PRKAG2: variants seen among roughly 807,000 people sequenced by gnomAD.
The protein encoded by PRKAG2 is 5'-AMP-activated protein kinase subunit gamma-2.
PRKAG2 carries 26 observed loss-of-function variants against 69.6 expected under a neutral mutation model. The ratio of observed to expected loss-of-function variants is 0.37; its 90% CI spans 0.27 to 0.52. The LOEUF (loss-of-function observed/expected upper bound fraction) is 0.52, where lower values mean the gene tolerates loss of function less well. Ranked by LOEUF, PRKAG2 falls within the 20% of genes least tolerant of loss-of-function variation. The pLI, the probability that PRKAG2 is intolerant of heterozygous loss-of-function variation, is 0.90. For missense variants in PRKAG2, 557 were observed against 740.0 expected (o/e 0.75, Z 2.87); for synonymous variants, 293 against 285.0 (o/e 1.03, Z -0.28).
At chr7:151,857,740 C>G (rs1321721312) in intron 1 of PRKAG2, among the ~76,000 whole-genome samples, 1 of 152,360 alleles carries the variant, frequency 6.6e-6, no homozygotes, top group East Asian at 1.9e-4. Flanking sequence ...CGCTCGCTCT[C>G]TTTGTGGTCA....
In PRKAG2 at chr7:151,842,665, AGGTAGTGATGAT is replaced by A. The variant is rs143665398; in HGVS notation, c.114+33830_114+33841del. 6.3e-3 allele frequency among the ~76,000 whole-genome samples: 865 copies of A among 136,842 alleles called. 8 individuals are homozygous for A. Among genetic ancestry groups the A allele is most frequent in the African/African-American group, 0.021 (735 of 35,460 alleles). The allele number at this position is 136,842 out of a possible 152,430, so 89.8% of individuals were successfully genotyped here. On this transcript the variant is annotated intron_variant, in intron 1 of 15. Coordinates refer to ENST00000287878, the MANE Select transcript of PRKAG2 (RefSeq NM_016203.4). The stretch of plus-strand genomic sequence containing the variant: ...GGATGGTAGTGATAGTAGTGAGGGT[AGGTAGTGATGAT>A]GGTAGTGATGGTAGGTAGGGATGAT...
At chr7:151,609,821 G>A (rs1289181856) in intron 5 of PRKAG2, among the ~76,000 whole-genome samples, 1 of 152,176 alleles carries the variant, frequency 6.6e-6, no homozygotes, top group Non-Finnish European at 1.5e-5. Context: ...AGCTTCTAAC[G>A]TGAGAAGAAA....
In PRKAG2 at chr7:151,777,364, C is replaced by CGCTCTCAGGTTG. The variant is rs1230886330; in HGVS notation, c.466+3776_466+3787dup. Among the ~76,000 whole-genome samples, 6 of 152,192 alleles carry CGCTCTCAGGTTG rather than the reference C, an allele frequency of 3.9e-5. No individual in the cohort carries two copies. Among genetic ancestry groups the CGCTCTCAGGTTG allele is most frequent in the Non-Finnish European group, 5.9e-5 (4 of 68,018 alleles). On this transcript the variant is annotated intron_variant, in intron 3 of 15. Transcript: ENST00000287878. The surrounding 1 kb of genome is among the most constrained non-coding windows in gnomAD (Gnocchi z 4.3). ...TGATAGAGGTTGAGTGTTTCTTCCC[C>CGCTCTCAGGTTG]GCTCTCAGGTTGAAATTGGATCCCC...
rs145261071 is a variant in PRKAG2, at chr7:151,575,875, G to A, written c.946+496C>T. Among the ~76,000 whole-genome samples, 12 of 142,172 alleles carry A rather than the reference G, an allele frequency of 8.4e-5. No individual in the cohort carries two copies. The East Asian group carries it at 8.5e-4, about 10-fold the overall frequency. 93.3% of individuals were successfully genotyped at this position (142,172 alleles called of 152,430 possible). A position where few individuals can be genotyped will look rare whatever the true frequency, so the allele number is the denominator to read the frequency against. ...AGCTCCATAAAAGTTACAACAGTGT[G>A]TAGAGTTCTCAATGAGGCGGCAAAA... On this transcript the variant is annotated intron_variant, in intron 7 of 15. Transcript: ENST00000287878.
Position 151,836,874 on chromosome 7 carries a change from C to T in PRKAG2, c.114+39633G>A, listed in dbSNP as rs988952790. Among the ~76,000 whole-genome samples the T allele has an allele frequency of 2.0e-5, 3 of 152,330 alleles. No individual in the cohort carries two copies. The highest frequency in any genetic ancestry group is 2.1e-4 in the South Asian group (1 of 4,820). ...TCAGTTCTTGGATCATCCACAACAG[C>T]GGAAGCAGAACAGAGTGAGCACTCC... is the stretch of plus-strand genomic sequence containing the variant. On this transcript the variant is annotated intron_variant, in intron 1 of 15. Coordinates refer to ENST00000287878, the MANE Select transcript of PRKAG2 (RefSeq NM_016203.4). The surrounding 1 kb of genome is among the most constrained non-coding windows in gnomAD (Gnocchi z 4.1).
At chr7:151,581,996 G>A (rs963797459) in intron 6 of PRKAG2, among the ~76,000 whole-genome samples, 4 of 152,184 alleles carry the variant, frequency 2.6e-5, no homozygotes, top group Admixed American at 6.5e-5. Context: ...GAAAGTATAC[G>A]GGGTAATAAT....
At chr7:151,637,826 G>C (rs1825991399) in intron 4 of PRKAG2, among the ~76,000 whole-genome samples, 1 of 151,850 alleles carries the variant, frequency 6.6e-6, no homozygotes. Context: ...TCAGCACACA[G>C]AACTTGAAGC....
rs1302605749 is a variant in PRKAG2 at position 151,854,990 on chromosome 7, ACACAC to A, written c.114+21512_114+21516del. Among the ~76,000 whole-genome samples, 105 of 23,604 alleles carry A rather than the reference ACACAC, an allele frequency of 4.4e-3. 4 individuals are homozygous for A. The highest frequency in any genetic ancestry group is 7.5e-3 in the Admixed American group (17 of 2,252). 15.5% of individuals were successfully genotyped at this position (23,604 alleles called of 152,430 possible). On this transcript the variant is annotated intron_variant, in intron 1 of 15. Coordinates refer to ENST00000287878, the MANE Select transcript of PRKAG2 (RefSeq NM_016203.4). Reference sequence around the variant, plus strand: ...ACCCTCCACACACACCATGCTCCACACACACCATGCTCCACACACACCACCCTCCA... The same window carrying A: ...ACCCTCCACACACACCATGCTCCACACATGCTCCACACACACCACCCTCCA...
At chr7:151,641,867 GA>G (rs755525113) in intron 4 of PRKAG2, among the ~76,000 whole-genome samples, 1 of 151,588 alleles carries the variant, frequency 6.6e-6, no homozygotes, top group South Asian at 2.1e-4. Flanking sequence ...GTAGAAATTT[GA>G]AAAAAATCTC....
At chr7:151,847,513 C>T (rs929658446) in intron 1 of PRKAG2, among the ~76,000 whole-genome samples, 1 of 152,212 alleles carries the variant, frequency 6.6e-6, no homozygotes. Context: ...AGGACATCGA[C>T]ACCTGAGACC....
chr7:151,802,949 G>GATATTATAT (rs1554605678), intron 1 of PRKAG2, among the ~76,000 whole-genome samples: 1 of 103,060 alleles, frequency 9.7e-6, no homozygotes, highest in Non-Finnish European at 1.9e-5. Context: ...TAAGCAATAT[G>GATATTATAT]ATATATATAT....
At chr7:151,855,205 A>G (rs879141670) in intron 1 of PRKAG2, among the ~76,000 whole-genome samples, 237 of 9,226 alleles carry the variant, frequency 0.026, 1 homozygote, top group Middle Eastern at 0.038. Context: ...CACACACACC[A>G]CCCTCCACAC....
chr7:151,701,799 C>A (rs146103357), intron 3 of PRKAG2, among the ~76,000 whole-genome samples: 208 of 149,910 alleles, frequency 1.4e-3, no homozygotes, highest in Non-Finnish European at 2.3e-3. Flanking sequence ...GCCGAGATTG[C>A]GCCACTGCAC....
chr7:151,624,475 A>G (rs1822370321), intron 5 of PRKAG2, among the ~76,000 whole-genome samples: 1 of 152,042 alleles, frequency 6.6e-6, no homozygotes, highest in Admixed American at 6.5e-5. Context: ...ACAGATTAAA[A>G]AGTGACTAAA....
Position 151,584,005 on chromosome 7 carries a change from C to T in PRKAG2, c.865-7553G>A, listed in dbSNP as rs576584600. On this transcript the variant is annotated intron_variant, in intron 6 of 15. Transcript: ENST00000287878. ...CTCTGATTTTCAGTAATTAAGTTGA[C>T]TGTGAAGCTTTTAAAATTAACGCTG... Among the ~76,000 whole-genome samples, 26 of 152,266 alleles carry T rather than the reference C, an allele frequency of 1.7e-4. No homozygotes were observed. The South Asian group carries it at 5.4e-3, about 32-fold the overall frequency.
chr7:151,559,775 G>A (rs561192842), intron 15 of PRKAG2: 3 of 985,320 alleles, frequency 3.0e-6, no homozygotes, highest in South Asian at 9.4e-5. Context: ...CTCCCACATC[G>A]GGTCCATGTG....
At chr7:151,875,491 G>A (rs746721523) in intron 1 of PRKAG2, among the ~76,000 whole-genome samples, 5 of 151,974 alleles carry the variant, frequency 3.3e-5, no homozygotes, top group Non-Finnish European at 7.4e-5. Flanking sequence ...TGAGGGGTCC[G>A]GACAGCCCAT....
chr7:151,606,451 G>A (rs1273965085), intron 5 of PRKAG2, among the ~76,000 whole-genome samples: 2 of 152,160 alleles, frequency 1.3e-5, no homozygotes, highest in Non-Finnish European at 2.9e-5. Flanking sequence ...GAAAATGAGT[G>A]TAATTTGGAG....
At position 151,632,359 on chromosome 7, in the gene PRKAG2, G is replaced by A. The variant is rs1585374330; in HGVS notation, c.685-221C>T. On this transcript the variant is annotated intron_variant, in intron 4 of 15. Coordinates refer to ENST00000287878, the MANE Select transcript of PRKAG2 (RefSeq NM_016203.4). The surrounding 1 kb of genome is among the most constrained non-coding windows in gnomAD (Gnocchi z 4.2). The stretch of plus-strand genomic sequence containing the variant: ...GCCGCAGGTGGCGCGGCCGCGGCCC[G>A]CGTGCCCCTCCGCGAGTGGGACGCG... The A allele has an allele frequency of 1.9e-6, 1 of 525,782 alleles. No individual in the cohort carries two copies. The highest frequency in any genetic ancestry group is 1.5e-4 in the East Asian group (1 of 6,606). The allele number at this position is 525,782 out of a possible 1,614,324, so 32.6% of individuals were successfully genotyped here.
Sources: allele counts gnomAD v4.1 joint callset (sites outside exome capture counted in the v4.1 genomes callset), GRCh38; gene constraint gnomAD v4.1.1; non-coding constraint Gnocchi (gnomAD v3.1); transcripts MANE v1.5; gene names NCBI Gene and HGNC (gene_info 2026-07-23, HGNC 2026-07-21).